The following LINGO2 variants were observed in gnomAD, a reference collection of about 807,000 sequenced individuals.
LINGO2 encodes the protein leucine rich repeat and Ig domain containing 2, also known as leucine-rich repeat and immunoglobulin-like domain-containing nogo receptor-interacting protein 2.
Under a neutral mutation model 30.6 loss-of-function variants are expected in LINGO2, and 14 were observed. The ratio of observed to expected loss-of-function variants is 0.46; its 90% confidence interval spans 0.30 to 0.72. The LOEUF is 0.72. Ranked by LOEUF, LINGO2 falls within the 30% of genes least tolerant of loss-of-function variation. LINGO2 has a pLI of 0.07. For missense variants in LINGO2, 729 were observed against 751.7 expected (o/e 0.97, Z 0.35); for synonymous variants, 317 against 288.5 (o/e 1.10, Z -1.00).
At chr9:28,269,093 G>A (rs1265282553) in intron 4 of LINGO2, among the ~76,000 whole-genome samples, 1 of 152,050 alleles carries the variant, frequency 6.6e-6, no homozygotes, top group Non-Finnish European at 1.5e-5. Flanking sequence ...TTCCAGTTCA[G>A]AACTATCACC....
At chr9:28,931,454 G>C in the LINGO2 span, among the ~76,000 whole-genome samples, 7 of 152,262 alleles carry the variant, frequency 4.6e-5, 1 homozygote, top group South Asian at 1.5e-3. Context: ...GTTACTCAAT[G>C]CCTTCAGACA....
the LINGO2 span, among the ~76,000 whole-genome samples, chr9:28,778,325 A>AT: frequency 4.1e-4 from 62 of 152,072 alleles, no homozygotes; most frequent in South Asian, 1.0e-3. Flanking sequence ...AATTTATGTG[A>AT]TTTTTTTTCT....
intron 1 of LINGO2, among the ~76,000 whole-genome samples, chr9:28,661,278 T>C (rs1489805414): frequency 2.0e-5 from 3 of 152,182 alleles, no homozygotes; most frequent in Admixed American, 2.0e-4. Flanking sequence ...ATGAGAGATA[T>C]GTGACCCAGT....
chr9:28,884,242 T>C, the LINGO2 span, among the ~76,000 whole-genome samples: 503 of 152,290 alleles, frequency 3.3e-3, 2 homozygotes, highest in African/African-American at 0.011. Flanking sequence ...TTCAGTCTGC[T>C]CTTTTTTCCA....
At chr9:29,136,367 C>T in the LINGO2 span, among the ~76,000 whole-genome samples, 5 of 152,282 alleles carry the variant, frequency 3.3e-5, no homozygotes, top group East Asian at 9.6e-4. Context: ...AACAAATCTA[C>T]TTTTAAAAAT....
At chr9:29,178,944 T>C in the LINGO2 span, among the ~76,000 whole-genome samples, 2 of 151,502 alleles carry the variant, frequency 1.3e-5, no homozygotes, top group Admixed American at 6.6e-5. Flanking sequence ...CTGGGCAACA[T>C]AGCAAAATCC....
chr9:28,862,796 A>C, the LINGO2 span, among the ~76,000 whole-genome samples: 2 of 152,108 alleles, frequency 1.3e-5, no homozygotes, highest in Admixed American at 1.3e-4. Flanking sequence ...TAAATAAAAA[A>C]CGGTAAAACC....
At chr9:28,143,676 G>T (rs1255899425) in intron 4 of LINGO2, among the ~76,000 whole-genome samples, 1 of 151,786 alleles carries the variant, frequency 6.6e-6, no homozygotes, top group African/African-American at 2.4e-5. Context: ...GGGAAAAGAG[G>T]TGTTTAACAT....
intron 1 of LINGO2, among the ~76,000 whole-genome samples, chr9:28,626,305 A>G (rs1355311031): frequency 3.3e-5 from 5 of 151,984 alleles, no homozygotes; most frequent in Non-Finnish European, 5.9e-5. Context: ...TGTCCTTTAT[A>G]TATTCTGGAG....
the LINGO2 span, among the ~76,000 whole-genome samples, chr9:28,714,164 A>AATCTATATATATATAT: frequency 1.9e-3 from 217 of 117,142 alleles, 4 homozygotes; most frequent in African/African-American, 6.9e-3. Context: ...TGCCTCAAAT[A>AATCTATATATATATAT]ATATATATAT....
At chr9:28,601,144 G>C (rs1178883811) in intron 1 of LINGO2, among the ~76,000 whole-genome samples, 1 of 152,002 alleles carries the variant, frequency 6.6e-6, no homozygotes, top group Non-Finnish European at 1.5e-5. Context: ...CAGTACCCTG[G>C]AGAATGCATA....
intron 5 of LINGO2, among the ~76,000 whole-genome samples, chr9:28,007,105 C>A (rs1822305779): frequency 6.6e-6 from 1 of 152,074 alleles, no homozygotes; most frequent in African/African-American, 2.4e-5. Flanking sequence ...CTCTTTAAAA[C>A]AAAATCACTT....
chr9:29,119,137 AGGG>A, the LINGO2 span, among the ~76,000 whole-genome samples: 1 of 146,396 alleles, frequency 6.8e-6, no homozygotes, highest in Non-Finnish European at 1.6e-5. Flanking sequence ...TGCGATGGCC[AGGG>A]AAAGCCATAA....
rs968317495 is a variant in LINGO2, at chr9:28,130,595, G to C, written c.-86-118190C>G. 1.3e-5 allele frequency among the ~76,000 whole-genome samples: 2 copies of C among 152,070 alleles called. No homozygotes were observed. The highest frequency in any genetic ancestry group is 2.4e-5 in the African/African-American group (1 of 41,392). The stretch of plus-strand genomic sequence containing the variant: ...GAGAAACAGAACACCTACATGTAAA[G>C]ATATAACCAATGTTATCAGAAAGCA... On this transcript the variant is annotated intron_variant, in intron 4 of 5. Coordinates refer to ENST00000379992, the Ensembl canonical transcript of LINGO2. The surrounding 1 kb of genome is among the most constrained non-coding windows in gnomAD (Gnocchi z 5.2).
At chr9:28,143,015 T>C (rs1587072594) in intron 4 of LINGO2, among the ~76,000 whole-genome samples, 1 of 152,148 alleles carries the variant, frequency 6.6e-6, no homozygotes, top group Non-Finnish European at 1.5e-5. Context: ...CAATTGCAGA[T>C]GCATTGACAA....
chr9:28,393,402 AAG>A (rs1821913196), intron 2 of LINGO2, among the ~76,000 whole-genome samples: 1 of 152,254 alleles, frequency 6.6e-6, no homozygotes, highest in Non-Finnish European at 1.5e-5. Flanking sequence ...ATGAGGCTGA[AAG>A]AGAGTTATTA....
chr9:28,524,094 A>G (rs1224832428), intron 1 of LINGO2, among the ~76,000 whole-genome samples: 2 of 152,230 alleles, frequency 1.3e-5, no homozygotes, highest in Non-Finnish European at 2.9e-5. Context: ...TCAATGGAAT[A>G]GAATTGAGAC....
At chr9:28,531,208 T>C (rs1239220285) in intron 1 of LINGO2, among the ~76,000 whole-genome samples, 1 of 151,996 alleles carries the variant, frequency 6.6e-6, no homozygotes, top group Non-Finnish European at 1.5e-5. Context: ...CAAAATGACA[T>C]ATGATCAGCT....
the LINGO2 span, among the ~76,000 whole-genome samples, chr9:28,932,829 G>C: frequency 6.6e-6 from 1 of 151,954 alleles, no homozygotes; most frequent in Non-Finnish European, 1.5e-5. Flanking sequence ...CTTTAGTTTA[G>C]ATCCTAATTA....
Sources: allele counts gnomAD v4.1 joint callset (sites outside exome capture counted in the v4.1 genomes callset), GRCh38; gene constraint gnomAD v4.1.1; non-coding constraint Gnocchi (gnomAD v3.1); transcripts MANE v1.5; gene names NCBI Gene and HGNC (gene_info 2026-07-23, HGNC 2026-07-21).